The following LRP6 variants were observed in gnomAD, a reference collection of about 807,000 sequenced individuals.
LRP6 encodes low-density lipoprotein receptor-related protein 6.
LRP6 carries 43 observed loss-of-function variants against 184.1 expected under a neutral mutation model. The observed-to-expected ratio is 0.23, with a 90% CI of 0.18 to 0.30. The LOEUF is 0.30. LRP6 is among the 10% of genes least tolerant of loss of function. LRP6 has a pLI of 1.00. For synonymous variants in LRP6, 719 were observed against 684.9 expected, an observed-to-expected ratio of 1.05 and a Z score of -0.78; for missense variants, 1,571 against 2,005.3, an observed-to-expected ratio of 0.78 and a Z score of 4.14.
chr12:12,136,189 CAAA>C (rs1181030593), intron 16 of LRP6, among the ~76,000 whole-genome samples: 1 of 151,768 alleles, frequency 6.6e-6, no homozygotes, highest in Admixed American at 6.6e-5. Flanking sequence ...TCCATCTCTA[CAAA>C]AAACAACAAC....
chr12:12,248,358 C>A (rs1444595773), intron 1 of LRP6, among the ~76,000 whole-genome samples: 1 of 151,978 alleles, frequency 6.6e-6, no homozygotes, highest in Non-Finnish European at 1.5e-5. Flanking sequence ...ATACTTCACA[C>A]TACCATTCAT....
rs145334724 is a variant in LRP6, at chr12:12,135,343, G to A, written c.3608-43C>T. On this transcript the variant is annotated intron_variant, in intron 16 of 22. Transcript: ENST00000261349. Reference sequence around the variant, plus strand: ...GAGGATGGGGAGAGGAGGGGGAGTGGAGGGGGAGAGAAGTGGGAGAGAAGA... The same window carrying A: ...GAGGATGGGGAGAGGAGGGGGAGTGAAGGGGGAGAGAAGTGGGAGAGAAGA... 2.8e-6 allele frequency: 4 copies of A among 1,419,064 alleles called. 1 individual carries two copies. In the South Asian group the frequency reaches 4.6e-5, roughly 16 times the overall value. The allele number at this position is 1,419,064 out of a possible 1,614,324, so 87.9% of individuals were successfully genotyped here.
At chr12:12,176,432 A>G (rs181277433) in intron 7 of LRP6, among the ~76,000 whole-genome samples, 16 of 152,260 alleles carry the variant, frequency 1.1e-4, no homozygotes, top group Admixed American at 7.2e-4. Flanking sequence ...AAATACCACA[A>G]CCATCTTTTA....
At chr12:12,225,070 T>C (rs937767055) in intron 2 of LRP6, among the ~76,000 whole-genome samples, 28 of 152,068 alleles carry the variant, frequency 1.8e-4, no homozygotes, top group Admixed American at 1.4e-3. Flanking sequence ...CCGGTTGTGG[T>C]GGCAGGCACC....
In LRP6 at chr12:12,266,950, G is replaced by A. The variant is rs1225731677; in HGVS notation, c.-215C>T. ...GGCCCCGGGCTCGCGCGACGCCAGCGTCTGCTTCCATCCCGCCGCCTCCTC... is the reference window on the plus strand; with the variant it reads ...GGCCCCGGGCTCGCGCGACGCCAGCATCTGCTTCCATCCCGCCGCCTCCTC... On this transcript the variant is annotated 5_prime_UTR_variant, in exon 1 of 23. The change creates a new upstream start codon in the 5' untranslated region. Transcript: ENST00000261349. The A allele has an allele frequency of 5.3e-6, 3 of 564,090 alleles. No homozygotes were observed. The highest frequency in any genetic ancestry group is 6.4e-5 in the East Asian group (2 of 31,162). 34.9% of individuals were successfully genotyped at this position (564,090 alleles called of 1,614,324 possible).
intron 7 of LRP6, among the ~76,000 whole-genome samples, chr12:12,171,344 A>G (rs974064944): frequency 1.1e-4 from 16 of 152,010 alleles, no homozygotes; most frequent in South Asian, 8.3e-4. Context: ...GTGAAACTCC[A>G]TCTCTACTAA....
At chr12:12,164,141 AAAAACTTGAGGGTTTT>A in intron 9 of LRP6, 116 bp downstream of exon 9, 1 of 831,988 alleles carries the variant, frequency 1.2e-6, no homozygotes, top group Non-Finnish European at 1.9e-6. Flanking sequence ...AAAAAAAAAA[AAAAACTTGAGGGTTTT>A]TGTTGAACTC....
chr12:12,249,622 T>C (rs1323634823), intron 1 of LRP6, among the ~76,000 whole-genome samples: 1 of 151,626 alleles, frequency 6.6e-6, no homozygotes, highest in Non-Finnish European at 1.5e-5. Context: ...CTTAAGATGC[T>C]GTAAAACTAA....
At chr12:12,177,061 T>C (rs1863207329) in intron 7 of LRP6, among the ~76,000 whole-genome samples, 1 of 152,126 alleles carries the variant, frequency 6.6e-6, no homozygotes, top group African/African-American at 2.4e-5. Context: ...TTGGCCAGGC[T>C]GGTCTCGAAC....
chr12:12,219,297 C>G (rs1013197168), intron 2 of LRP6, among the ~76,000 whole-genome samples: 4 of 152,166 alleles, frequency 2.6e-5, no homozygotes, highest in African/African-American at 9.7e-5. Flanking sequence ...CTCCACCACC[C>G]GGGGTTCAAA....
intron 1 of LRP6, among the ~76,000 whole-genome samples, chr12:12,256,633 C>T (rs918612578): frequency 1.3e-5 from 2 of 152,068 alleles, no homozygotes; most frequent in Non-Finnish European, 2.9e-5. Context: ...ATAGCCAAAC[C>T]CCCTCTCTAC....
chr12:12,181,896 C>T (rs946500106), intron 5 of LRP6, among the ~76,000 whole-genome samples: 1 of 152,194 alleles, frequency 6.6e-6, no homozygotes, highest in African/African-American at 2.4e-5. Context: ...CTGCGTAACT[C>T]TGTAAATTTA....
intron 2 of LRP6, among the ~76,000 whole-genome samples, chr12:12,204,350 A>G (rs933688590): frequency 7.9e-5 from 12 of 151,674 alleles, no homozygotes; most frequent in African/African-American, 1.2e-4. Flanking sequence ...AAGAGATATG[A>G]TAACTACATC....
chr12:12,160,245 T>C (rs1862708063), intron 10 of LRP6, among the ~76,000 whole-genome samples: 1 of 152,224 alleles, frequency 6.6e-6, no homozygotes, highest in Non-Finnish European at 1.5e-5. Context: ...AACAGTTTAT[T>C]GCAGTACTGG....
At chr12:12,138,743 G>A in intron 15 of LRP6, 1 of 1,469,836 alleles carries the variant, frequency 6.8e-7, no homozygotes, top group East Asian at 2.6e-5. Flanking sequence ...GAGCAAGTAA[G>A]TGCCCAATGT....
At chr12:12,184,531 A>T (rs1389324726) in intron 4 of LRP6, among the ~76,000 whole-genome samples, 1 of 152,198 alleles carries the variant, frequency 6.6e-6, no homozygotes, top group Admixed American at 6.5e-5. Context: ...ACAGCACGGG[A>T]GCCTTCAAGG....
chr12:12,188,140 G>A (rs1332305739), intron 3 of LRP6, among the ~76,000 whole-genome samples: 1 of 151,502 alleles, frequency 6.6e-6, no homozygotes, highest in Non-Finnish European at 1.5e-5. Context: ...GAATCCAGGA[G>A]GCGGAGGTTG....
chr12:12,198,620 G>A lies in LRP6; in HGVS notation c.647+4583C>T, dbSNP rs148963372. Reference sequence around the variant, plus strand: ...ACAATCTTGGCTCACTGCAACCTCTGCCTCCCGGATTCAAGCGATTCTACT... The same window carrying A: ...ACAATCTTGGCTCACTGCAACCTCTACCTCCCGGATTCAAGCGATTCTACT... On this transcript the variant is annotated intron_variant, in intron 3 of 22. Transcript: ENST00000261349. Among the ~76,000 whole-genome samples the A allele has an allele frequency of 9.7e-4, 136 of 139,810 alleles. 1 individual carries two copies. Among genetic ancestry groups the A allele is most frequent in the Non-Finnish European group, 1.7e-3 (112 of 66,620 alleles). 91.7% of individuals were successfully genotyped at this position (139,810 alleles called of 152,430 possible).
chr12:12,226,080 C>CTA (rs1490256939), intron 2 of LRP6, among the ~76,000 whole-genome samples: 5 of 152,158 alleles, frequency 3.3e-5, no homozygotes, highest in African/African-American at 1.2e-4. Context: ...CTCCAGCCTC[C>CTA]TCTAACCATT....
Sources: gnomAD v4.1 joint callset for allele counts (sites outside exome capture counted in the v4.1 genomes callset) on GRCh38, gnomAD v4.1.1 for gene constraint, MANE v1.5 for transcripts, NCBI Gene and HGNC (gene_info 2026-07-23, HGNC 2026-07-21) for gene names.